The following ETS1 variants were observed in gnomAD, a reference collection of about 807,000 sequenced individuals.
ETS1 encodes the protein ETS proto-oncogene 1, transcription factor.
A neutral mutation model predicts 58.6 loss-of-function variants in ETS1; 15 were observed. That is an observed-to-expected ratio of 0.26 (90% CI 0.17 to 0.39). The LOEUF is 0.39. Ranked by LOEUF, ETS1 falls within the 10% of genes least tolerant of loss-of-function variation. The pLI, the probability that ETS1 is intolerant of heterozygous loss-of-function variation, is 1.00. For missense variants in ETS1, 417 were observed against 610.5 expected (o/e 0.68, Z 3.34); for synonymous variants, 214 against 218.2 (o/e 0.98, Z 0.17).
At chr11:128,541,674 C>A (rs564655399) in intron 3 of ETS1, among the ~76,000 whole-genome samples, 1 of 152,112 alleles carries the variant, frequency 6.6e-6, no homozygotes, top group Non-Finnish European at 1.5e-5. Context: ...CCACAATGAT[C>A]CTGACAGATT....
chr11:128,547,812 G>C (rs181333214), intron 3 of ETS1, among the ~76,000 whole-genome samples: 2 of 152,086 alleles, frequency 1.3e-5, no homozygotes, highest in Non-Finnish European at 2.9e-5. Context: ...GGGATGATGG[G>C]GAGGGTGTGG....
At chr11:128,484,433 T>A (rs1862569695) in intron 7 of ETS1, among the ~76,000 whole-genome samples, 1 of 152,178 alleles carries the variant, frequency 6.6e-6, no homozygotes, top group African/African-American at 2.4e-5. Context: ...CCAGGACACA[T>A]GCTAAGCTTA....
chr11:128,511,332 T>A (rs1236194568), intron 3 of ETS1, among the ~76,000 whole-genome samples: 1 of 152,226 alleles, frequency 6.6e-6, no homozygotes, highest in Non-Finnish European at 1.5e-5. Context: ...AAAAATGTAT[T>A]TCTCAAAGTC....
At chr11:128,562,088 T>G (rs1864413448) in intron 2 of ETS1, among the ~76,000 whole-genome samples, 1 of 152,124 alleles carries the variant, frequency 6.6e-6, no homozygotes, top group Non-Finnish European at 1.5e-5. Context: ...CCAGGGGTGG[T>G]GAACAAGAGG....
chr11:128,554,223 G>A (rs370625796), intron 3 of ETS1, among the ~76,000 whole-genome samples: 1 of 152,134 alleles, frequency 6.6e-6, no homozygotes, highest in South Asian at 2.1e-4. Flanking sequence ...TAGGACAGTG[G>A]GAACTACAAC....
chr11:128,564,820 A>C (rs547457182), intron 2 of ETS1, among the ~76,000 whole-genome samples: 1 of 152,248 alleles, frequency 6.6e-6, no homozygotes, highest in East Asian at 1.9e-4. Context: ...GGCTGACTCA[A>C]AACCTGGTTA....
chr11:128,544,673 G>A (rs934810705), intron 3 of ETS1, among the ~76,000 whole-genome samples: 1 of 151,754 alleles, frequency 6.6e-6, no homozygotes, highest in Non-Finnish European at 1.5e-5. Context: ...TACAGCAGAC[G>A]TCTTCTGCCA....
At chr11:128,475,626 A>G (rs1433010471) in intron 8 of ETS1, among the ~76,000 whole-genome samples, 1 of 134,302 alleles carries the variant, frequency 7.4e-6, no homozygotes, top group African/African-American at 2.9e-5. Context: ...ATCTCGGCTC[A>G]CTGCAAGCTC....
chr11:128,492,418 TC>T lies in ETS1; in HGVS notation c.215-1843del, dbSNP rs369083334. On this transcript the variant is annotated intron_variant, in intron 3 of 9. Coordinates refer to ENST00000392668, the MANE Select transcript of ETS1 (RefSeq NM_001143820.2). ...TGATGCTGTCAGGAAACTGCTAGAGTCCAGGCTGTGCCCTGGAAGAACAGAA... is the reference window on the plus strand; with the variant it reads ...TGATGCTGTCAGGAAACTGCTAGAGTCAGGCTGTGCCCTGGAAGAACAGAA... Among the ~76,000 whole-genome samples the T allele has an allele frequency of 7.2e-4, 109 of 152,158 alleles. 2 individuals carry two copies. In the South Asian group the frequency reaches 0.021, roughly 30 times the overall value.
chr11:128,546,112 A>C (rs529978443), intron 3 of ETS1, among the ~76,000 whole-genome samples: 2 of 152,344 alleles, frequency 1.3e-5, no homozygotes, highest in Admixed American at 1.3e-4. Flanking sequence ...CACCTGATAT[A>C]TTGACCAAAG....
At chr11:128,543,937 T>G (rs1159295820) in intron 3 of ETS1, among the ~76,000 whole-genome samples, 2 of 152,214 alleles carry the variant, frequency 1.3e-5, no homozygotes, top group African/African-American at 4.8e-5. Context: ...AAAAAACAGC[T>G]GTTGACTCCC....
rs751479145 is a variant in ETS1, at chr11:128,485,440, C to T, written c.614-369G>A. Among the ~76,000 whole-genome samples the T allele has an allele frequency of 1.5e-4, 23 of 152,182 alleles. No individual in the cohort carries two copies. In the East Asian group the frequency reaches 1.7e-3, roughly 11 times the overall value. ...GTCACTGGAATAAAAATTGTAATAA[C>T]GTAAAAAGATAAAACGAAAAAAATA... is the stretch of plus-strand genomic sequence containing the variant. On this transcript the variant is annotated intron_variant, in intron 6 of 9. Coordinates refer to ENST00000392668, the MANE Select transcript of ETS1 (RefSeq NM_001143820.2).
intron 3 of ETS1, among the ~76,000 whole-genome samples, chr11:128,531,797 C>T (rs1054564700): frequency 6.6e-6 from 1 of 152,116 alleles, no homozygotes; most frequent in Non-Finnish European, 1.5e-5. Context: ...AAAATAAGAC[C>T]TTCTTAAGCA....
chr11:128,471,823 T>G (rs1402722111), intron 8 of ETS1, among the ~76,000 whole-genome samples: 1 of 152,208 alleles, frequency 6.6e-6, no homozygotes, highest in Non-Finnish European at 1.5e-5. Flanking sequence ...ACTTTAGAAG[T>G]CTGAAGATTA....
At chr11:128,584,798 A>G (rs918840026) in intron 1 of ETS1, among the ~76,000 whole-genome samples, 7 of 151,494 alleles carry the variant, frequency 4.6e-5, no homozygotes, top group Non-Finnish European at 8.8e-5. Flanking sequence ...ATACCACATT[A>G]ATTTTGCTCA....
At chr11:128,506,843 G>A (rs1863250335) in intron 3 of ETS1, among the ~76,000 whole-genome samples, 1 of 152,194 alleles carries the variant, frequency 6.6e-6, no homozygotes, top group Admixed American at 6.5e-5. Flanking sequence ...AAGGGCCACA[G>A]GTTCTAGGAG....
intron 3 of ETS1, among the ~76,000 whole-genome samples, chr11:128,529,406 C>T (rs190294874): frequency 2.8e-4 from 43 of 152,286 alleles, no homozygotes; most frequent in African/African-American, 1.0e-3. Flanking sequence ...TCAAATGGAG[C>T]TGCTACAATC....
rs1565421490 is a variant in ETS1, at chr11:128,585,098, AGAAAGGAAGGAAGGAAG to A, written c.-15+2373_-15+2389del. ...AAAGAGAAAGAAAGAAAGGAAAGAA[AGAAAGGAAGGAAGGAAG>A]GAAAGAAAGAAGAAAGAAAGAAAAG... On this transcript the variant is annotated intron_variant, in intron 1 of 9. Transcript: ENST00000392668. 1.6e-4 allele frequency among the ~76,000 whole-genome samples: 5 copies of A among 30,864 alleles called. 1 individual carries two copies. The African/African-American group carries it at 1.6e-3, about 10-fold the overall frequency. 20.2% of individuals were successfully genotyped at this position (30,864 alleles called of 152,430 possible).
chr11:128,526,726 T>C, intron 3 of ETS1: 1 of 345,352 alleles, frequency 2.9e-6, no homozygotes. Context: ...GAACTAGATT[T>C]ATATTTGTTT....
Sources: allele counts gnomAD v4.1 joint callset (sites outside exome capture counted in the v4.1 genomes callset), GRCh38; gene constraint gnomAD v4.1.1; transcripts MANE v1.5; gene names NCBI Gene and HGNC (gene_info 2026-07-23, HGNC 2026-07-21).